IQCM: variants seen among roughly 807,000 people sequenced by gnomAD.
The protein encoded by IQCM is IQ domain-containing protein M.
In IQCM, 45 loss-of-function variants were observed where a neutral mutation model predicts 57.6. The observed-to-expected ratio is 0.78, with a 90% confidence interval of 0.62 to 1.00. IQCM has a LOEUF of 1.00. Ranked by LOEUF, IQCM falls within the 50% of genes least tolerant of loss-of-function variation. IQCM has a pLI of 0.00. For missense variants in IQCM, 468 were observed against 511.6 expected, an observed-to-expected ratio of 0.91 and a Z score of 0.82; for synonymous variants, 148 against 158.9, an observed-to-expected ratio of 0.93 and a Z score of 0.51.
intron 12 of IQCM, among the ~76,000 whole-genome samples, chr4:149,531,940 T>C (rs1746787909): frequency 6.6e-6 from 1 of 152,158 alleles, no homozygotes; most frequent in Non-Finnish European, 1.5e-5. Flanking sequence ...AGGTGTCTTA[T>C]TAATGTAAGT....
At chr4:149,410,581 A>G (rs914729242) in intron 13 of IQCM, among the ~76,000 whole-genome samples, 2 of 151,746 alleles carry the variant, frequency 1.3e-5, no homozygotes, top group Non-Finnish European at 2.9e-5. Flanking sequence ...TTGTATTTCT[A>G]TATACTGGAA....
chr4:149,582,222 A>G (rs982765581), intron 9 of IQCM, among the ~76,000 whole-genome samples: 7 of 148,524 alleles, frequency 4.7e-5, no homozygotes, highest in African/African-American at 1.7e-4. Flanking sequence ...TGCTAAACCA[A>G]TACAAAGAAC....
At chr4:149,444,404 T>C (rs947653320) in intron 12 of IQCM, among the ~76,000 whole-genome samples, 7 of 151,972 alleles carry the variant, frequency 4.6e-5, no homozygotes, top group African/African-American at 9.7e-5. Context: ...ATTGGAGATA[T>C]AGTAAACAGT....
At position 149,798,272 on chromosome 4, in the gene IQCM, G is replaced by C. The variant is rs534136181; in HGVS notation, c.-49+17039C>G. 2.6e-5 allele frequency among the ~76,000 whole-genome samples: 4 copies of C among 151,916 alleles called. No individual in the cohort carries two copies. In the South Asian group the frequency reaches 8.3e-4, roughly 31 times the overall value. On this transcript the variant is annotated intron_variant, in intron 2 of 13. Transcript: ENST00000636793. ...TGCAAACAGTGTTAGGTTGTTATCA[G>C]GTTTAAATAATGGGTTATAAAATAG...
intron 2 of IQCM, among the ~76,000 whole-genome samples, chr4:149,752,906 G>C (rs1768591038): frequency 6.6e-6 from 1 of 152,180 alleles, no homozygotes; most frequent in Admixed American, 6.5e-5. Flanking sequence ...AGAGGAGACA[G>C]ACATGTCTTA....
intron 8 of IQCM, among the ~76,000 whole-genome samples, chr4:149,601,977 C>T (rs1208144355): frequency 6.7e-6 from 1 of 149,832 alleles, no homozygotes; most frequent in Non-Finnish European, 1.5e-5. Flanking sequence ...TGGCGTGAAC[C>T]CGGGAGGCGG....
At chr4:149,682,276 A>G in intron 6 of IQCM, 70 bp from the exon 7 acceptor site, 5 of 592,606 alleles carry the variant, frequency 8.4e-6, no homozygotes, top group Non-Finnish European at 1.2e-5. Context: ...TTCAACACTA[A>G]AGTTATGGAC....
chr4:149,582,537 G>A (rs1432692900), intron 9 of IQCM, among the ~76,000 whole-genome samples: 2 of 150,670 alleles, frequency 1.3e-5, no homozygotes, highest in South Asian at 4.2e-4. Flanking sequence ...GATGACACTT[G>A]AATTGAGGTA....
At chr4:149,444,669 A>T (rs189515764) in intron 12 of IQCM, among the ~76,000 whole-genome samples, 1 of 151,852 alleles carries the variant, frequency 6.6e-6, no homozygotes, top group Non-Finnish European at 1.5e-5. Flanking sequence ...TTAAAAAATT[A>T]TATGAAAACT....
intron 2 of IQCM, among the ~76,000 whole-genome samples, chr4:149,772,112 T>G (rs1770642859): frequency 6.6e-6 from 1 of 152,072 alleles, no homozygotes; most frequent in Non-Finnish European, 1.5e-5. Context: ...AATTAATCCT[T>G]CAAGAAATTT....
intron 2 of IQCM, among the ~76,000 whole-genome samples, chr4:149,778,243 G>A (rs566177431): frequency 2.0e-5 from 3 of 152,240 alleles, no homozygotes; most frequent in South Asian, 2.1e-4. Context: ...AGGCGTGGTC[G>A]CAGGCGCCTG....
intron 13 of IQCM, among the ~76,000 whole-genome samples, chr4:149,354,381 A>AAAAAAAAAAAC (rs1728806733): frequency 8.5e-6 from 1 of 117,110 alleles, no homozygotes; most frequent in Non-Finnish European, 1.7e-5. Flanking sequence ...AAAAAAAAAA[A>AAAAAAAAAAAC]AAAAAAAACT....
At chr4:149,496,159 G>A (rs1394031) in intron 12 of IQCM, among the ~76,000 whole-genome samples, 151,032 of 152,198 alleles carry the variant, frequency 0.99, 74,954 homozygotes, top group East Asian at 1. Flanking sequence ...AGAGTATGGG[G>A]GTGAAATGGG....
chr4:149,405,064 G>T (rs572876004), intron 13 of IQCM, among the ~76,000 whole-genome samples: 4 of 151,938 alleles, frequency 2.6e-5, no homozygotes, highest in Admixed American at 6.6e-5. Context: ...TAAAATGAGA[G>T]CTCATTCATT....
At chr4:149,551,813 G>A (rs1469438917) in intron 11 of IQCM, among the ~76,000 whole-genome samples, 2 of 151,760 alleles carry the variant, frequency 1.3e-5, no homozygotes, top group Non-Finnish European at 2.9e-5. Context: ...TCTCTCTCTC[G>A]GTTCTATAAG....
intron 8 of IQCM, among the ~76,000 whole-genome samples, chr4:149,617,318 T>G (rs1218796244): frequency 6.6e-6 from 1 of 152,238 alleles, no homozygotes; most frequent in Non-Finnish European, 1.5e-5. Flanking sequence ...GTTTGATTCC[T>G]GTTATAGGTG....
Position 149,403,541 on chromosome 4 carries a change from C to T in IQCM, c.1390+29855G>A, listed in dbSNP as rs867604222. Among the ~76,000 whole-genome samples, 7 of 151,858 alleles carry T rather than the reference C, an allele frequency of 4.6e-5. No homozygotes were observed. In the East Asian group the frequency reaches 1.4e-3, roughly 29 times the overall value. ...CTGGCAGACTAATTTTCAGCCTCAG[C>T]TACTCTATTTTTTTTTTCTTGAAAC... On this transcript the variant is annotated intron_variant, in intron 13 of 13. Coordinates refer to ENST00000636793, the MANE Select transcript of IQCM (RefSeq NM_001363507.2).
chr4:149,668,276 C>T (rs534967003), intron 7 of IQCM, among the ~76,000 whole-genome samples: 5 of 152,242 alleles, frequency 3.3e-5, no homozygotes, highest in South Asian at 2.1e-4. Flanking sequence ...CAATATTCAA[C>T]GTTCTTAAAT....
intron 8 of IQCM, among the ~76,000 whole-genome samples, chr4:149,620,514 T>C (rs1756236178): frequency 6.6e-6 from 1 of 152,188 alleles, no homozygotes; most frequent in Non-Finnish European, 1.5e-5. Context: ...CGAAACACAA[T>C]GTTGTAAAAT....
Sources: allele counts gnomAD v4.1 joint callset (sites outside exome capture counted in the v4.1 genomes callset), GRCh38; gene constraint gnomAD v4.1.1; transcripts MANE v1.5; gene names NCBI Gene and HGNC (gene_info 2026-07-23, HGNC 2026-07-21).